LRRC63: variants seen among roughly 807,000 people sequenced by gnomAD.
LRRC63 encodes leucine rich repeat containing 63.
A neutral mutation model predicts 49.5 loss-of-function variants in LRRC63; 40 were observed. The observed-to-expected ratio is 0.81, with a 90% CI of 0.63 to 1.05. LRRC63 has a LOEUF of 1.05. Among genes scored for constraint, LRRC63 ranks in the 50% least tolerant of loss-of-function variants. The pLI, the probability that LRRC63 is intolerant of heterozygous loss-of-function variation, is 0.00. For synonymous variants in LRRC63, 191 were observed against 221.1 expected, an observed-to-expected ratio of 0.86 and a Z score of 1.21; for missense variants, 636 against 663.1, an observed-to-expected ratio of 0.96 and a Z score of 0.45.
intron 9 of LRRC63, 93 bp from the exon 10 acceptor site, chr13:46,276,497 A>C (rs1030415362): frequency 1.5e-5 from 8 of 539,260 alleles, no homozygotes; most frequent in Non-Finnish European, 2.0e-5. Flanking sequence ...AATGAAGGTA[A>C]GGGCAGTATT....
At chr13:46,253,492 GA>G (rs992708178) in intron 7 of LRRC63, among the ~76,000 whole-genome samples, 9 of 151,052 alleles carry the variant, frequency 6.0e-5, no homozygotes, top group Non-Finnish European at 1.0e-4. Flanking sequence ...GATGTCAGGA[GA>G]AAAAAAAATT....
At chr13:46,264,830 G>T (rs2047661147) in intron 8 of LRRC63, among the ~76,000 whole-genome samples, 1 of 152,188 alleles carries the variant, frequency 6.6e-6, no homozygotes, top group Admixed American at 6.5e-5. Flanking sequence ...CAGCTGCCAA[G>T]GCAGTCTCAA....
In LRRC63 at chr13:46,261,782, A is replaced by T. The variant is rs141932047; in HGVS notation, c.1227-127A>T. 5.6e-4 allele frequency: 198 copies of T among 352,634 alleles called. 1 individual carries two copies. Among genetic ancestry groups the T allele is most frequent in the African/African-American group, 3.9e-3 (186 of 47,800 alleles). 21.8% of individuals were successfully genotyped at this position (352,634 alleles called of 1,614,324 possible). A position where few individuals can be genotyped will look rare whatever the true frequency, so the allele number is the denominator to read the frequency against. On this transcript the variant is annotated intron_variant, in intron 7 of 9. Coordinates refer to ENST00000595396, the Ensembl canonical transcript of LRRC63. ...AATTACACGATCTATAATGAAAAGA[A>T]GTCCATATAAATTTCAAGATCTTAG...
intron 9 of LRRC63, among the ~76,000 whole-genome samples, chr13:46,267,938 G>A (rs922447013): frequency 1.3e-5 from 2 of 152,094 alleles, no homozygotes; most frequent in African/African-American, 2.4e-5. Flanking sequence ...CCAGAGCAGC[G>A]AACTAACTCT....
intron 2 of LRRC63, among the ~76,000 whole-genome samples, chr13:46,226,629 C>T (rs900628063): frequency 6.6e-6 from 1 of 152,114 alleles, no homozygotes; most frequent in Non-Finnish European, 1.5e-5. Flanking sequence ...GGACATCATC[C>T]CTCCTACACC....
At chr13:46,265,160 A>G (rs530393804) in intron 8 of LRRC63, among the ~76,000 whole-genome samples, 133 of 116,512 alleles carry the variant, frequency 1.1e-3, no homozygotes, top group African/African-American at 6.1e-3. Flanking sequence ...ACTCCATCTC[A>G]AAAAAAAAAA....
rs138108013 is a variant in LRRC63, at chr13:46,269,077, C to T, written c.1550+2105C>T. On this transcript the variant is annotated intron_variant, in intron 9 of 9. Transcript: ENST00000595396. ...ATAATAAGACTCAGTACTAAAAACA[C>T]GTTATCCCCAAATAGAGCTATAAAT... Among the ~76,000 whole-genome samples, 782 of 151,974 alleles carry T rather than the reference C, an allele frequency of 5.1e-3. 9 individuals carry two copies. Among genetic ancestry groups the T allele is most frequent in the African/African-American group, 0.018 (739 of 41,496 alleles).
intron 7 of LRRC63, among the ~76,000 whole-genome samples, chr13:46,255,935 GA>G (rs1180177400): frequency 6.6e-6 from 1 of 151,948 alleles, no homozygotes; most frequent in Non-Finnish European, 1.5e-5. Context: ...ACCTGTTCTG[GA>G]AAATTATAAA....
At chr13:46,245,561 A>G (rs1256320966) in intron 5 of LRRC63, among the ~76,000 whole-genome samples, 1 of 152,186 alleles carries the variant, frequency 6.6e-6, no homozygotes, top group African/African-American at 2.4e-5. Context: ...AGTACCAAAT[A>G]TTTGTGCTAA....
intron 2 of LRRC63, among the ~76,000 whole-genome samples, chr13:46,215,464 GTT>G (rs141080652): frequency 1.1e-4 from 16 of 151,182 alleles, no homozygotes; most frequent in Admixed American, 5.3e-4. Context: ...GGGGTGGTTT[GTT>G]TTTTTTTATT....
chr13:46,219,079 T>C (rs1566467259), intron 2 of LRRC63, among the ~76,000 whole-genome samples: 2 of 152,222 alleles, frequency 1.3e-5, no homozygotes, highest in Non-Finnish European at 2.9e-5. Context: ...ATTATGTGTC[T>C]TGGGGTTGCT....
intron 9 of LRRC63, among the ~76,000 whole-genome samples, chr13:46,274,790 G>A (rs1199866094): frequency 2.0e-5 from 3 of 152,094 alleles, no homozygotes; most frequent in South Asian, 2.1e-4. Flanking sequence ...CATGTATATA[G>A]TATGTAATGA....
chr13:46,259,275 C>G (rs919551768), intron 7 of LRRC63, among the ~76,000 whole-genome samples: 6 of 151,308 alleles, frequency 4.0e-5, no homozygotes, highest in Non-Finnish European at 7.4e-5. Flanking sequence ...TTTTCCTGTT[C>G]CCAAAGCTTT....
At chr13:46,228,389 G>A (rs2046641733) in intron 3 of LRRC63, among the ~76,000 whole-genome samples, 200 bp downstream of exon 3, 1 of 152,130 alleles carries the variant, frequency 6.6e-6, no homozygotes, top group African/African-American at 2.4e-5. Flanking sequence ...GGCCAGACTG[G>A]GTACTCCATT....
intron 7 of LRRC63, among the ~76,000 whole-genome samples, chr13:46,260,158 A>G (rs540296511): frequency 6.6e-6 from 1 of 152,336 alleles, no homozygotes; most frequent in South Asian, 2.1e-4. Context: ...CACAATCAGC[A>G]GGAATATGTC....
chr13:46,236,837 A>G (rs1329111059), intron 5 of LRRC63, among the ~76,000 whole-genome samples: 2 of 152,346 alleles, frequency 1.3e-5, no homozygotes, highest in Middle Eastern at 3.4e-3. Flanking sequence ...CTTAAAAGAC[A>G]AATGTGTAAA....
chr13:46,238,481 AGGTTTAAT>A (rs201421604), intron 5 of LRRC63, among the ~76,000 whole-genome samples: 1,988 of 151,188 alleles, frequency 0.013, 43 homozygotes, highest in African/African-American at 0.046. Context: ...AAAAAAAAAG[AGGTTTAAT>A]GGACTGACAG....
intron 2 of LRRC63, among the ~76,000 whole-genome samples, chr13:46,224,104 G>A (rs899546222): frequency 1.3e-5 from 2 of 152,144 alleles, no homozygotes; most frequent in African/African-American, 4.8e-5. Flanking sequence ...TAAAATTCTT[G>A]CTAGACTTGG....
At chr13:46,273,396 ATCGAGACAAT>A (rs1391786411) in intron 9 of LRRC63, among the ~76,000 whole-genome samples, 1 of 151,946 alleles carries the variant, frequency 6.6e-6, no homozygotes, top group Non-Finnish European at 1.5e-5. Flanking sequence ...AGGTCAGGAG[ATCGAGACAAT>A]CCTGGCTAAT....
Sources: gnomAD v4.1 joint callset for allele counts (sites outside exome capture counted in the v4.1 genomes callset) on GRCh38, gnomAD v4.1.1 for gene constraint, MANE v1.5 for transcripts, NCBI Gene and HGNC (gene_info 2026-07-23, HGNC 2026-07-21) for gene names.